TRIO: variants seen among roughly 807,000 people sequenced by gnomAD.
The protein encoded by TRIO is triple functional domain protein.
A neutral mutation model predicts 351.9 loss-of-function variants in TRIO; 58 were observed. The ratio of observed to expected loss-of-function variants is 0.16; its 90% CI spans 0.13 to 0.21. TRIO has a LOEUF of 0.21. Among genes scored for constraint, TRIO ranks in the 10% least tolerant of loss-of-function variants. The pLI is 1.00. For synonymous variants in TRIO, 1,758 were observed against 1,595.7 expected (o/e 1.10, Z -2.42); for missense variants, 3,201 against 4,027.8 (o/e 0.79, Z 5.56).
At chr5:14,424,076 C>G (rs949449779) in intron 34 of TRIO, among the ~76,000 whole-genome samples, 4 of 151,974 alleles carry the variant, frequency 2.6e-5, no homozygotes, top group African/African-American at 9.7e-5. Flanking sequence ...ATGAAATGGG[C>G]TTTAAGAAGA....
Position 14,509,630 on chromosome 5 carries a change from T to C in TRIO, c.*1208T>C, listed in dbSNP as rs1204819934. 3.0e-6 allele frequency: 1 copy of C among 328,196 alleles called. No homozygotes were observed. The highest frequency in any genetic ancestry group is 4.6e-5 in the Admixed American group (1 of 21,756). 20.3% of individuals were successfully genotyped at this position (328,196 alleles called of 1,614,324 possible). On this transcript the variant is annotated 3_prime_UTR_variant, in exon 57 of 57. Transcript: ENST00000344204. ...TTTTAGACTTTTTGACGTTGAACTT[T>C]CTGTATAAAAATTGGCTGGGTTTTG...
chr5:14,214,161 A>G (rs1450732005), intron 1 of TRIO, among the ~76,000 whole-genome samples: 1 of 152,198 alleles, frequency 6.6e-6, no homozygotes, highest in Non-Finnish European at 1.5e-5. Flanking sequence ...AATTACACAC[A>G]GGTGGAAACC....
At chr5:14,255,907 T>C (rs139568516) in intron 1 of TRIO, among the ~76,000 whole-genome samples, 47 of 152,304 alleles carry the variant, frequency 3.1e-4, no homozygotes, top group African/African-American at 1.1e-3. Flanking sequence ...ATTGCATTTA[T>C]ATAAAGCTCA....
chr5:14,268,745 A>G (rs912509144), intron 1 of TRIO, among the ~76,000 whole-genome samples: 9 of 152,202 alleles, frequency 5.9e-5, no homozygotes, highest in Non-Finnish European at 1.3e-4. Context: ...TGAACATTTC[A>G]TAATCTGCCT....
chr5:14,294,557 T>C (rs1410576841), intron 6 of TRIO, among the ~76,000 whole-genome samples: 1 of 152,220 alleles, frequency 6.6e-6, no homozygotes, highest in African/African-American at 2.4e-5. Context: ...CAGAAAAATA[T>C]ATTCTCTCTT....
chr5:14,400,613 G>C (rs1182779672), intron 30 of TRIO, among the ~76,000 whole-genome samples: 2 of 152,280 alleles, frequency 1.3e-5, no homozygotes, highest in East Asian at 3.9e-4. Flanking sequence ...TTTGCAACCA[G>C]GAAAGACTCA....
At chr5:14,495,558 A>G (rs1464965278) in intron 49 of TRIO, among the ~76,000 whole-genome samples, 3 of 146,596 alleles carry the variant, frequency 2.0e-5, no homozygotes, top group Middle Eastern at 3.5e-3. Flanking sequence ...GTAGTGGCTC[A>G]TGCCTGTAAT....
In TRIO at chr5:14,291,270, A is replaced by G. The variant is rs780227314; in HGVS notation, c.1053+42A>G. ...CTAATGCCTCAGTGGACATGGGGGA[A>G]GCCAGCGCTGGTGGGTTCGGGTGGA... On this transcript the variant is annotated intron_variant, in intron 5 of 56. Transcript: ENST00000344204. The G allele has an allele frequency of 1.0e-5, 16 of 1,586,906 alleles. No individual in the cohort carries two copies. The African/African-American group carries it at 1.9e-4, about 19-fold the overall frequency.
chr5:14,404,133 G>GGT (rs1324401771), intron 31 of TRIO, among the ~76,000 whole-genome samples: 4 of 151,834 alleles, frequency 2.6e-5, no homozygotes, highest in African/African-American at 9.7e-5. Context: ...TCGTGCTGCT[G>GGT]GTGTGTGTGC....
At position 14,487,916 on chromosome 5, in the gene TRIO, C is replaced by T. The variant is rs1334819048; in HGVS notation, c.7288C>T (p.Pro2430Ser). The T allele has an allele frequency of 1.9e-6, 3 of 1,538,796 alleles. No individual in the cohort carries two copies. The highest frequency in any genetic ancestry group is 2.4e-5 in the East Asian group (1 of 40,824). Residue 2430 changes from proline (P) to serine (S), a missense_variant, in exon 48 of 57, where the codon CCA (proline) becomes TCA (serine). By Grantham distance (74) the Pro-to-Ser change is moderately conservative. Around this residue, in one of 19 missense-constraint regions of TRIO, gnomAD observed 1,089 missense variants for 954.9 expected, o/e 1.14. Transcript: ENST00000344204. ...CGCCGCGAACGCCTCGGGGTCGAGC[C>T]CAGACGCCCCCGCCAAGGACGCGCG... ...KGAANASGSS[P>S]DAPAKDARAS...
chr5:14,184,090 T>G (rs1209307189), intron 1 of TRIO: 2 of 618,282 alleles, frequency 3.2e-6, no homozygotes, highest in Non-Finnish European at 5.9e-6. Flanking sequence ...TGAGCAGCCA[T>G]GACAGAGAAT....
At chr5:14,382,184 G>C (rs1579488966) in intron 21 of TRIO, among the ~76,000 whole-genome samples, 1 of 152,238 alleles carries the variant, frequency 6.6e-6, no homozygotes, top group Non-Finnish European at 1.5e-5. Context: ...TGGTTAAAAA[G>C]AAGTGTTTCT....
chr5:14,377,976 A>T, intron 19 of TRIO, 36 bp from the exon 20 acceptor site: 1 of 1,522,992 alleles, frequency 6.6e-7, no homozygotes, highest in Non-Finnish European at 9.0e-7. Context: ...AATTGATTGC[A>T]AGCACCAACA....
intron 21 of TRIO, 113 bp from the exon 22 acceptor site, chr5:14,387,325 T>A: frequency 9.2e-7 from 1 of 1,086,480 alleles, no homozygotes; most frequent in Non-Finnish European, 1.3e-6. Flanking sequence ...GTTTCTACCA[T>A]CAGCCGGTTT....
intron 1 of TRIO, among the ~76,000 whole-genome samples, chr5:14,194,528 AGCTAGTAACTTAGCTTTT>A (rs1202217404): frequency 6.6e-6 from 1 of 152,228 alleles, no homozygotes; most frequent in Non-Finnish European, 1.5e-5. Context: ...CTAGATATCT[AGCTAGTAACTTAGCTTTT>A]GAAATTCAGT....
Position 14,504,543 on chromosome 5 carries a change from C to T in TRIO, c.8562C>T (p.Gly2854=). 1.2e-6 allele frequency: 2 copies of T among 1,614,150 alleles called. No individual in the cohort carries two copies. The highest frequency in any genetic ancestry group is 1.3e-5 in the African/African-American group (1 of 75,040). ...GCCTCCAGCACCCCCTGCTTGTCGG[C>T]CTCCTCGACACCTTTGAGACCCCCA... ...LQSLQHPLLV[G]LLDTFETPTS... The change falls in exon 55 of 57, where the codon GGC becomes GGT. Residue 2854 remains glycine (G), a synonymous_variant. Coordinates refer to ENST00000344204, the MANE Select transcript of TRIO (RefSeq NM_007118.4).
In TRIO at chr5:14,508,231, C is replaced by T; in HGVS notation, c.9103C>T (p.Pro3035Ser). ...EFVCFLLQED[P>S]AKRPSAALAL... Reference sequence around the variant, plus strand: ...CGTGTGCTTCCTCCTGCAGGAGGACCCCGCCAAGCGTCCCTCGGCTGCGCT... The same window carrying T: ...CGTGTGCTTCCTCCTGCAGGAGGACTCCGCCAAGCGTCCCTCGGCTGCGCT... The change falls in exon 57 of 57, where the codon CCC becomes TCC. Residue 3035 changes from proline (P) to serine (S), a missense_variant. By Grantham distance (74) the Pro-to-Ser change is moderately conservative. Coordinates refer to ENST00000344204, the MANE Select transcript of TRIO (RefSeq NM_007118.4). 1.2e-6 allele frequency: 2 copies of T among 1,614,060 alleles called. No homozygotes were observed. Among genetic ancestry groups the T allele is most frequent in the Non-Finnish European group, 8.5e-7 (1 of 1,180,028 alleles).
chr5:14,206,374 T>C (rs550128592), intron 1 of TRIO, among the ~76,000 whole-genome samples: 2 of 152,330 alleles, frequency 1.3e-5, no homozygotes, highest in East Asian at 3.9e-4. Context: ...AATGTACTTT[T>C]TTAGAAAAAG....
intron 56 of TRIO, 128 bp downstream of exon 56, chr5:14,507,388 C>A: frequency 7.6e-7 from 1 of 1,323,498 alleles, no homozygotes; most frequent in Non-Finnish European, 1.0e-6. Flanking sequence ...GTGGGTGGGG[C>A]AGCGCAGACA....
Sources: allele counts gnomAD v4.1 joint callset (sites outside exome capture counted in the v4.1 genomes callset), GRCh38; gene constraint gnomAD v4.1.1; regional missense constraint gnomAD v4.1.1; transcripts MANE v1.5; gene names NCBI Gene and HGNC (gene_info 2026-07-23, HGNC 2026-07-21).